Variants in ACACB observed in about 807,000 individuals in gnomAD.
The protein encoded by ACACB is acetyl-CoA carboxylase beta, also known as acetyl-CoA carboxylase 2.
In ACACB, 209 loss-of-function variants were observed where a neutral mutation model predicts 278.8. That is an observed-to-expected ratio of 0.75 (90% CI 0.67 to 0.84). The LOEUF (loss-of-function observed/expected upper bound fraction) is 0.84, where lower values mean the gene tolerates loss of function less well. Among genes scored for constraint, ACACB ranks in the 40% least tolerant of loss-of-function variants. The pLI, the probability that ACACB is intolerant of heterozygous loss-of-function variation, is 0.00. For synonymous variants in ACACB, 1,174 were observed against 1,285.6 expected (o/e 0.91, Z 1.86); for missense variants, 2,850 against 3,269.0 (o/e 0.87, Z 3.13).
Position 109,191,747 on chromosome 12 carries a change from T to C in ACACB, c.2279T>C (p.Ile760Thr). The change falls in exon 14 of 53, where the codon ATT (isoleucine) becomes ACT (threonine). Residue 760 changes from isoleucine to threonine, a missense_variant. Ile to Thr is a moderately conservative substitution (Grantham distance 89, BLOSUM62 -1). Transcript: ENST00000338432. ...GACACCGGGTGGTTGGACTACCTCA[T>C]TGCTGAGAAAGTGCAGGTAGGGAGT... is the stretch of plus-strand genomic sequence containing the variant. The part of the protein sequence containing the change: ...DIDTGWLDYL[I>T]AEKVQAEKPD... The C allele has an allele frequency of 3.1e-6, 5 of 1,614,162 alleles. No homozygotes were observed. The highest frequency in any genetic ancestry group is 3.4e-6 in the Non-Finnish European group (4 of 1,180,022).
At chr12:109,227,614 C>T in intron 28 of ACACB, 125 bp downstream of exon 28, 1 of 870,648 alleles carries the variant, frequency 1.1e-6, no homozygotes, top group South Asian at 1.6e-5. Flanking sequence ...CAGCGATAAG[C>T]ACTTCCCCTG....
chr12:109,194,231 T>C (rs2045012285), intron 16 of ACACB, among the ~76,000 whole-genome samples: 1 of 152,086 alleles, frequency 6.6e-6, no homozygotes, highest in Non-Finnish European at 1.5e-5. Context: ...AGCCTCACTC[T>C]GTCACCCAGG....
At chr12:109,119,589 C>CA (rs11360249) in intron 1 of ACACB, among the ~76,000 whole-genome samples, 2,929 of 120,362 alleles carry the variant, frequency 0.024, 89 homozygotes, top group African/African-American at 0.076. Flanking sequence ...GACTCTGTCT[C>CA]AAAAAAAAAA....
chr12:109,188,089 G>A lies in ACACB; in HGVS notation c.2071G>A (p.Gly691Ser). The A allele has an allele frequency of 6.2e-7, 1 of 1,613,752 alleles. No individual in the cohort carries two copies. Among genetic ancestry groups the A allele is most frequent in the East Asian group, 2.2e-5 (1 of 44,870 alleles). ...TTACTTCAGCGTGGCCGCTACTGGA[G>A]GCCTGCACGAGTTTGCGGATTCCCA... ...WGYFSVAATG[G>S]LHEFADSQFG... The change falls in exon 13 of 53, where the codon GGC (glycine) becomes AGC (serine). Residue 691 changes from glycine to serine, a missense_variant. Gly to Ser is a moderately conservative substitution (Grantham distance 56, BLOSUM62 0). Transcript: ENST00000338432.
chr12:109,219,251 A>G (rs2046093956), intron 24 of ACACB, among the ~76,000 whole-genome samples: 1 of 152,212 alleles, frequency 6.6e-6, no homozygotes, highest in South Asian at 2.1e-4. Context: ...GTCAGTAGGC[A>G]GAGTTTGGCC....
At chr12:109,179,796 C>A in intron 10 of ACACB, 121 bp from the exon 11 acceptor site, 1 of 1,243,866 alleles carries the variant, frequency 8.0e-7, no homozygotes, top group Non-Finnish European at 1.1e-6. Context: ...TGGCCAGTCC[C>A]AAAATATTTC....
chr12:109,184,138 C>T (rs756705610), intron 11 of ACACB, among the ~76,000 whole-genome samples: 2 of 151,806 alleles, frequency 1.3e-5, no homozygotes, highest in Admixed American at 6.6e-5. Context: ...CTGCAACCTC[C>T]ACCTCCCAGG....
chr12:109,156,606 G>C (rs369180180), intron 2 of ACACB, among the ~76,000 whole-genome samples: 1,872 of 139,148 alleles, frequency 0.013, 30 homozygotes, highest in East Asian at 0.04. Flanking sequence ...TTTTTTTTTG[G>C]GGGGGGGCTA....
intron 2 of ACACB, among the ~76,000 whole-genome samples, chr12:109,144,998 T>C (rs947014669): frequency 2.6e-5 from 4 of 152,138 alleles, no homozygotes; most frequent in African/African-American, 9.7e-5. Context: ...CCTGACGTCG[T>C]GATCCACCTG....
intron 15 of ACACB, among the ~76,000 whole-genome samples, chr12:109,192,826 C>T (rs1278809113): frequency 6.6e-6 from 1 of 151,866 alleles, no homozygotes; most frequent in East Asian, 1.9e-4. Context: ...CATGCCTGGC[C>T]AATTTTTTTA....
chr12:109,148,721 A>T (rs181894355), intron 2 of ACACB, among the ~76,000 whole-genome samples: 1 of 152,300 alleles, frequency 6.6e-6, no homozygotes, highest in South Asian at 2.1e-4. Flanking sequence ...ACTATATATA[A>T]CATGCTTAGA....
In ACACB at chr12:109,206,761, G is replaced by A. The variant is rs770852910; in HGVS notation, c.2965G>A (p.Gly989Arg). 3.1e-5 allele frequency: 50 copies of A among 1,613,950 alleles called. No individual in the cohort carries two copies. Among genetic ancestry groups the A allele is most frequent in the East Asian group, 1.1e-4 (5 of 44,894 alleles). ...LPAQQTLPILGEKLHQVFHSV... is the reference protein window; with the variant it reads ...LPAQQTLPILREKLHQVFHSV... ...TGCCCAGCAGACACTGCCCATCCTC[G>A]GAGAGAAACTGCACCAGGTCTTCCA... Residue 989 changes from glycine to arginine, a missense_variant, in exon 20 of 53, where the codon GGA becomes AGA. By Grantham distance (125) the Gly-to-Arg change is moderately radical. This residue lies in a region of ACACB where 2,265 missense variants were observed against 2,561.3 expected (regional missense o/e 0.88). Coordinates refer to ENST00000338432, the MANE Select transcript of ACACB (RefSeq NM_001093.4).
rs1321011420 is a variant in ACACB, at chr12:109,180,065, A to G, written c.1796A>G (p.Asn599Ser). 5 of 1,611,400 alleles carry G rather than the reference A, an allele frequency of 3.1e-6. No homozygotes were observed. The South Asian group carries it at 5.5e-5, about 18-fold the overall frequency. ...TGCACAGAAATGATTGCTGATGTTA[A>G]TCTGCCGGCCGCCCAGCTACAGGTG... is the stretch of plus-strand genomic sequence containing the variant. ...HPCTEMIADV[N>S]LPAAQLQIAM... The change falls in exon 11 of 53, where the codon AAT becomes AGT. Residue 599 changes from asparagine (N) to serine (S), a missense_variant. This residue lies in a region of ACACB where 2,265 missense variants were observed against 2,561.3 expected (regional missense o/e 0.88). Coordinates refer to ENST00000338432, the MANE Select transcript of ACACB (RefSeq NM_001093.4).
intron 2 of ACACB, among the ~76,000 whole-genome samples, chr12:109,152,799 C>G (rs73197480): frequency 0.017 from 2,517 of 151,894 alleles, 28 homozygotes; most frequent in Non-Finnish European, 0.022. Flanking sequence ...TATGCACCAC[C>G]ACGCTGGCTA....
intron 1 of ACACB, among the ~76,000 whole-genome samples, chr12:109,126,456 G>A (rs1299684974): frequency 6.6e-6 from 1 of 152,186 alleles, no homozygotes; most frequent in Non-Finnish European, 1.5e-5. Context: ...GAAGAGGTGG[G>A]AAGATTGCTT....
intron 1 of ACACB, among the ~76,000 whole-genome samples, chr12:109,133,665 A>G (rs1405676159): frequency 2.6e-5 from 4 of 151,724 alleles, no homozygotes; most frequent in African/African-American, 7.3e-5. Flanking sequence ...AAATTTGCCT[A>G]AGATTGGTCG....
In ACACB at chr12:109,186,229, CTGGATTTACTGGATTTT is replaced by C. The variant is rs1274631220; in HGVS notation, c.1980+496_1980+512del. Among the ~76,000 whole-genome samples, 6 of 152,306 alleles carry C rather than the reference CTGGATTTACTGGATTTT, an allele frequency of 3.9e-5. No homozygotes were observed. The East Asian group carries it at 7.7e-4, about 20-fold the overall frequency. ...TACAGGCATGAGCCACCACACCTGGCTGGATTTACTGGATTTTTGGATTATTGCCAGGCTCTGGGCCG... is the reference window on the plus strand; with the variant it reads ...TACAGGCATGAGCCACCACACCTGGCTGGATTATTGCCAGGCTCTGGGCCG... On this transcript the variant is annotated intron_variant, in intron 12 of 52. Coordinates refer to ENST00000338432, the MANE Select transcript of ACACB (RefSeq NM_001093.4).
chr12:109,258,246 C>A, intron 45 of ACACB, 22 bp from the exon 46 acceptor site: 1 of 1,599,688 alleles, frequency 6.3e-7, no homozygotes, highest in Non-Finnish European at 8.5e-7. Flanking sequence ...CAGGGCCTGG[C>A]TCACTGGTGC....
At chr12:109,259,575 CAAAAAAACAAA>C (rs936727501) in intron 47 of ACACB, among the ~76,000 whole-genome samples, 8 of 130,224 alleles carry the variant, frequency 6.1e-5, no homozygotes, top group African/African-American at 2.2e-4. Context: ...AAAAAAAAAA[CAAAAAAACAAA>C]AAAAAAACAA....
Sources: gnomAD v4.1 joint callset for allele counts (sites outside exome capture counted in the v4.1 genomes callset) on GRCh38, gnomAD v4.1.1 for gene constraint, gnomAD v4.1.1 regional missense constraint, MANE v1.5 for transcripts, NCBI Gene and HGNC (gene_info 2026-07-23, HGNC 2026-07-21) for gene names.